Variants in ANKRD6 observed in about 807,000 individuals in gnomAD.
ANKRD6 encodes the protein ankyrin repeat domain 6.
ANKRD6 carries 56 observed loss-of-function variants against 82.3 expected under a neutral mutation model. The ratio of observed to expected loss-of-function variants is 0.68; its 90% CI spans 0.55 to 0.85. ANKRD6 has a LOEUF of 0.85. Ranked by LOEUF, ANKRD6 falls within the 40% of genes least tolerant of loss-of-function variation. ANKRD6 has a pLI of 0.00. For missense variants in ANKRD6, 852 were observed against 907.6 expected, an observed-to-expected ratio of 0.94 and a Z score of 0.79; for synonymous variants, 347 against 352.1, an observed-to-expected ratio of 0.99 and a Z score of 0.16.
rs575350758 is a variant in ANKRD6 at position 89,546,313 on chromosome 6, A to G, written c.-143-20521A>G. ...TATTTTGCTTCTCCAGCCAAGCCAT[A>G]AAAACTTAAGAAATATATATACCAG... On this transcript the variant is annotated intron_variant, in intron 1 of 15. Transcript: ENST00000339746. 1.5e-3 allele frequency among the ~76,000 whole-genome samples: 235 copies of G among 152,208 alleles called. 2 individuals carry two copies. The highest frequency in any genetic ancestry group is 1.7e-3 in the Non-Finnish European group (118 of 68,038).
At chr6:89,489,245 G>A (rs139946175) in intron 1 of ANKRD6, among the ~76,000 whole-genome samples, 69 of 152,292 alleles carry the variant, frequency 4.5e-4, no homozygotes, top group African/African-American at 1.5e-3. Context: ...TCCCTGAACC[G>A]GCTGCTGCAG....
chr6:89,524,507 AC>A (rs570269862), intron 1 of ANKRD6, among the ~76,000 whole-genome samples: 20 of 152,214 alleles, frequency 1.3e-4, no homozygotes, highest in Non-Finnish European at 2.5e-4. Flanking sequence ...GAACAAAATA[AC>A]GACATTCGCA....
chr6:89,613,925 C>T, intron 7 of ANKRD6, 35 bp downstream of exon 7: 1 of 1,605,562 alleles, frequency 6.2e-7, no homozygotes, highest in African/African-American at 1.3e-5. Flanking sequence ...GCTGCCAGCA[C>T]CCTTCCCACA....
chr6:89,452,546 A>G (rs1451320018), intron 1 of ANKRD6, among the ~76,000 whole-genome samples: 2 of 152,266 alleles, frequency 1.3e-5, no homozygotes, highest in Admixed American at 1.3e-4. Context: ...TTGTTGCACT[A>G]GGATCAGGGA....
At chr6:89,436,789 T>TGTA (rs1770689623) in intron 1 of ANKRD6, among the ~76,000 whole-genome samples, 1 of 152,250 alleles carries the variant, frequency 6.6e-6, no homozygotes, top group African/African-American at 2.4e-5. Flanking sequence ...ACTGCTGGAC[T>TGTA]GTACCAAGGC....
chr6:89,462,639 G>A (rs1774324764), intron 1 of ANKRD6, among the ~76,000 whole-genome samples: 1 of 152,074 alleles, frequency 6.6e-6, no homozygotes. Flanking sequence ...ATATGCCTCT[G>A]TTCTGTCTTT....
intron 1 of ANKRD6, among the ~76,000 whole-genome samples, chr6:89,530,328 G>A (rs911912182): frequency 1.4e-4 from 22 of 151,830 alleles, no homozygotes; most frequent in African/African-American, 2.4e-4. Flanking sequence ...AGCACATGTC[G>A]TTGGAAAAAA....
At chr6:89,591,381 C>T (rs1037223518) in intron 2 of ANKRD6, among the ~76,000 whole-genome samples, 17 of 152,122 alleles carry the variant, frequency 1.1e-4, no homozygotes, top group South Asian at 4.1e-4. Flanking sequence ...GGATTACAGG[C>T]GTGAACCACC....
intron 1 of ANKRD6, among the ~76,000 whole-genome samples, chr6:89,501,264 T>A (rs1779230571): frequency 6.6e-6 from 1 of 152,278 alleles, no homozygotes; most frequent in Non-Finnish European, 1.5e-5. Context: ...TTTCCAGGGT[T>A]TTGTTCTTTA....
chr6:89,514,158 AC>A (rs781259628), intron 1 of ANKRD6, among the ~76,000 whole-genome samples: 3 of 152,208 alleles, frequency 2.0e-5, no homozygotes, highest in Non-Finnish European at 2.9e-5. Flanking sequence ...TGGGCAGATC[AC>A]ATGAAGTCGG....
intron 3 of ANKRD6, among the ~76,000 whole-genome samples, chr6:89,600,558 A>G (rs1796893409): frequency 6.6e-6 from 1 of 152,140 alleles, no homozygotes; most frequent in Non-Finnish European, 1.5e-5. Context: ...AGAAGTGGAA[A>G]TCTAACCAAG....
chr6:89,549,580 A>G lies in ANKRD6; in HGVS notation c.-143-17254A>G, dbSNP rs1027617999. 1.3e-4 allele frequency among the ~76,000 whole-genome samples: 20 copies of G among 152,256 alleles called. 1 individual carries two copies. Among genetic ancestry groups the G allele is most frequent in the Admixed American group, 1.2e-3 (18 of 15,282 alleles). Reference sequence around the variant, plus strand: ...ATAGCAGCACAAAATGGACTGAGACAACCTCCCATGCATTCAGGTATTTTT... The same window carrying G: ...ATAGCAGCACAAAATGGACTGAGACGACCTCCCATGCATTCAGGTATTTTT... On this transcript the variant is annotated intron_variant, in intron 1 of 15. Coordinates refer to ENST00000339746, the MANE Select transcript of ANKRD6 (RefSeq NM_001242809.2).
intron 1 of ANKRD6, among the ~76,000 whole-genome samples, chr6:89,500,136 C>T (rs770175776): frequency 6.6e-6 from 1 of 151,110 alleles, no homozygotes; most frequent in African/African-American, 2.5e-5. Context: ...CAGTTGATGA[C>T]CTTGATGCTT....
chr6:89,445,296 A>C (rs534544498), intron 1 of ANKRD6, among the ~76,000 whole-genome samples: 6 of 112,698 alleles, frequency 5.3e-5, no homozygotes, highest in African/African-American at 2.1e-4. Flanking sequence ...TTTGAGATAG[A>C]GTCTTGCTCT....
At chr6:89,533,840 A>G (rs1434430618) in intron 1 of ANKRD6, among the ~76,000 whole-genome samples, 4 of 151,774 alleles carry the variant, frequency 2.6e-5, no homozygotes, top group Non-Finnish European at 5.9e-5. Flanking sequence ...ACTTACAGTG[A>G]CTGAGTGGGA....
intron 1 of ANKRD6, among the ~76,000 whole-genome samples, chr6:89,480,908 C>T (rs1203721589): frequency 8.0e-6 from 1 of 125,750 alleles, no homozygotes; most frequent in East Asian, 2.2e-4. Context: ...TGCCACAGCA[C>T]TTCAGCCTGG....
At chr6:89,566,063 A>G (rs1218555419) in intron 1 of ANKRD6, among the ~76,000 whole-genome samples, 1 of 152,200 alleles carries the variant, frequency 6.6e-6, no homozygotes, top group Non-Finnish European at 1.5e-5. Context: ...CCTCCAGATC[A>G]CTGCTCTGCG....
chr6:89,590,096 T>C (rs752617158), intron 2 of ANKRD6, among the ~76,000 whole-genome samples: 2 of 152,250 alleles, frequency 1.3e-5, no homozygotes, highest in African/African-American at 2.4e-5. Flanking sequence ...TGTGGAATTA[T>C]AGAGGATATT....
In ANKRD6 at chr6:89,585,292, G is replaced by A. The variant is rs573518586; in HGVS notation, c.121-10624G>A. On this transcript the variant is annotated intron_variant, in intron 2 of 15. Transcript: ENST00000339746. ...GAGAGACTGAATGTTTTTCTGCTGTGATAAGGAACAAGACAGGGTGTCTGC... is the reference window on the plus strand; with the variant it reads ...GAGAGACTGAATGTTTTTCTGCTGTAATAAGGAACAAGACAGGGTGTCTGC... Among the ~76,000 whole-genome samples, 10 of 152,284 alleles carry A rather than the reference G, an allele frequency of 6.6e-5. No individual in the cohort carries two copies. The East Asian group carries it at 1.9e-3, about 29-fold the overall frequency.
Sources: allele counts gnomAD v4.1 joint callset (sites outside exome capture counted in the v4.1 genomes callset), GRCh38; gene constraint gnomAD v4.1.1; transcripts MANE v1.5; gene names NCBI Gene and HGNC (gene_info 2026-07-23, HGNC 2026-07-21).